SORCS3: variants seen among roughly 807,000 people sequenced by gnomAD.
SORCS3 encodes the protein VPS10 domain-containing receptor SorCS3.
A neutral mutation model predicts 146.3 loss-of-function variants in SORCS3; 57 were observed. The observed-to-expected ratio is 0.39, with a 90% CI of 0.31 to 0.49. The LOEUF (loss-of-function observed/expected upper bound fraction) is 0.49. Ranked by LOEUF, SORCS3 falls within the 20% of genes least tolerant of loss-of-function variation. The pLI, the probability that SORCS3 is intolerant of heterozygous loss-of-function variation, is 0.92. For missense variants in SORCS3, 1,341 were observed against 1,575.5 expected, an observed-to-expected ratio of 0.85 and a Z score of 2.52; for synonymous variants, 653 against 618.5, an observed-to-expected ratio of 1.06 and a Z score of -0.83.
At chr10:104,941,297 C>T (rs1376011535) in intron 3 of SORCS3, among the ~76,000 whole-genome samples, 1 of 152,202 alleles carries the variant, frequency 6.6e-6, no homozygotes, top group Non-Finnish European at 1.5e-5. Context: ...CCTCATTTTA[C>T]TCAGCCCCTA....
intron 4 of SORCS3, among the ~76,000 whole-genome samples, chr10:104,985,019 T>G (rs1008058587): frequency 6.6e-6 from 1 of 152,164 alleles, no homozygotes; most frequent in Non-Finnish European, 1.5e-5. Flanking sequence ...GGGGTGGCTG[T>G]GGTGATTTCT....
At chr10:104,811,349 G>C (rs1008172835) in intron 1 of SORCS3, among the ~76,000 whole-genome samples, 1 of 152,224 alleles carries the variant, frequency 6.6e-6, no homozygotes, top group Non-Finnish European at 1.5e-5. Flanking sequence ...ACTTGCCTGA[G>C]GGAGTTGAGG....
intron 7 of SORCS3, among the ~76,000 whole-genome samples, chr10:105,129,423 T>C (rs946485871): frequency 6.7e-6 from 1 of 149,798 alleles, no homozygotes; most frequent in African/African-American, 2.5e-5. Flanking sequence ...GAGGGGGCAA[T>C]GTTTTGATAG....
In SORCS3 at chr10:104,674,394, G is replaced by T. The variant is rs1396956262; in HGVS notation, c.627+32440G>T. ...TCACTTCTGAGATTAGGTTACAAAA[G>T]ACTTTGGCTTTCATTTTGATTTTGT... On this transcript the variant is annotated intron_variant, in intron 1 of 26. Transcript: ENST00000369701. 2.0e-5 allele frequency among the ~76,000 whole-genome samples: 3 copies of T among 152,206 alleles called. No individual in the cohort carries two copies. In the South Asian group the frequency reaches 6.2e-4, roughly 31 times the overall value.
intron 20 of SORCS3, among the ~76,000 whole-genome samples, chr10:105,225,674 A>T (rs747413122): frequency 1.3e-5 from 2 of 152,050 alleles, no homozygotes; most frequent in Non-Finnish European, 1.5e-5. Context: ...ATTGGTAAGA[A>T]GTGACATCTT....
At chr10:104,975,793 A>G (rs551204329) in intron 3 of SORCS3, among the ~76,000 whole-genome samples, 3 of 152,258 alleles carry the variant, frequency 2.0e-5, no homozygotes, top group Non-Finnish European at 4.4e-5. Context: ...CAAACCTGAG[A>G]AAAACCAGCA....
At chr10:104,880,303 T>C (rs1284697491) in intron 2 of SORCS3, among the ~76,000 whole-genome samples, 6 of 152,210 alleles carry the variant, frequency 3.9e-5, no homozygotes, top group Non-Finnish European at 7.3e-5. Flanking sequence ...GAAAAACTAT[T>C]GGACAGCAAA....
At chr10:104,784,072 T>C (rs899984705) in intron 1 of SORCS3, among the ~76,000 whole-genome samples, 2 of 152,206 alleles carry the variant, frequency 1.3e-5, no homozygotes, top group Non-Finnish European at 2.9e-5. Flanking sequence ...CTGTTTATCT[T>C]TGTTTAATTC....
chr10:105,080,012 A>G (rs1049326780), intron 5 of SORCS3, among the ~76,000 whole-genome samples: 10 of 152,158 alleles, frequency 6.6e-5, no homozygotes, highest in East Asian at 1.9e-4. Flanking sequence ...TAGTGCTGCA[A>G]TGAACATTCA....
At chr10:105,076,849 G>T (rs1467283225) in intron 5 of SORCS3, among the ~76,000 whole-genome samples, 1 of 152,168 alleles carries the variant, frequency 6.6e-6, no homozygotes, top group Non-Finnish European at 1.5e-5. Context: ...CAGTTGTCCA[G>T]CTGTCTTTAG....
At chr10:104,987,445 C>A (rs1280684731) in intron 4 of SORCS3, among the ~76,000 whole-genome samples, 13 of 152,186 alleles carry the variant, frequency 8.5e-5, no homozygotes, top group African/African-American at 2.9e-4. Flanking sequence ...TAAGGCAGTG[C>A]TCTTAAAAAA....
chr10:104,848,813 A>G (rs1165922600), intron 2 of SORCS3, among the ~76,000 whole-genome samples: 2 of 152,186 alleles, frequency 1.3e-5, no homozygotes, highest in South Asian at 2.1e-4. Flanking sequence ...GATACAAAGT[A>G]TGTTATGCTT....
intron 2 of SORCS3, among the ~76,000 whole-genome samples, chr10:104,910,602 T>G (rs2018956561): frequency 6.6e-6 from 1 of 152,162 alleles, no homozygotes; most frequent in Admixed American, 6.5e-5. Flanking sequence ...GTGAGAACAC[T>G]TATGTACATG....
Position 105,157,138 on chromosome 10 carries a change from G to A in SORCS3, c.1483G>A (p.Val495Ile), listed in dbSNP as rs773916242. The A allele has an allele frequency of 1.2e-6, 2 of 1,613,620 alleles. No individual in the cohort carries two copies. The highest frequency in any genetic ancestry group is 1.7e-6 in the Non-Finnish European group (2 of 1,179,748). Residue 495 changes from valine to isoleucine, a missense_variant and splice_region_variant, in exon 10 of 27, where the codon GTA (valine) becomes ATA (isoleucine). Transcript: ENST00000369701. ...MGNIIIELYEVAGIKGIFLAN... is the reference protein window; with the variant it reads ...MGNIIIELYEIAGIKGIFLAN... The stretch of plus-strand genomic sequence containing the variant: ...CTCCATCTCTCACCTTTTTTCCTAG[G>A]TAGCAGGTATCAAAGGGATATTTCT...
chr10:104,874,884 C>T (rs919710641), intron 2 of SORCS3, among the ~76,000 whole-genome samples: 6 of 152,234 alleles, frequency 3.9e-5, no homozygotes, highest in Middle Eastern at 3.4e-3. Flanking sequence ...CTTCTGCAGC[C>T]GCCTACCAGC....
chr10:104,684,004 G>T lies in SORCS3; in HGVS notation c.627+42050G>T, dbSNP rs1435062566. Among the ~76,000 whole-genome samples, 5 of 152,174 alleles carry T rather than the reference G, an allele frequency of 3.3e-5. No homozygotes were observed. The South Asian group carries it at 8.3e-4, about 25-fold the overall frequency. On this transcript the variant is annotated intron_variant, in intron 1 of 26. Transcript: ENST00000369701. ...AAGCTCTATAGTAACAGAGAATGTT[G>T]TCTACATTTACATGCTATCACCTCC...
intron 2 of SORCS3, among the ~76,000 whole-genome samples, chr10:104,883,408 G>A (rs902192677): frequency 6.6e-6 from 1 of 152,200 alleles, no homozygotes; most frequent in Non-Finnish European, 1.5e-5. Flanking sequence ...CATTAGATGA[G>A]AAGATTAAGT....
At chr10:104,760,231 C>T (rs1462885507) in intron 1 of SORCS3, among the ~76,000 whole-genome samples, 2 of 152,054 alleles carry the variant, frequency 1.3e-5, no homozygotes, top group East Asian at 3.9e-4. Flanking sequence ...TGTCTCAGGG[C>T]CAGACTGTGA....
chr10:104,877,322 C>T (rs891949866), intron 2 of SORCS3, among the ~76,000 whole-genome samples: 1 of 152,090 alleles, frequency 6.6e-6, no homozygotes, highest in Non-Finnish European at 1.5e-5. Flanking sequence ...CTCCATCTTT[C>T]ATTGCCCAGC....
Sources: gnomAD v4.1 joint callset for allele counts (sites outside exome capture counted in the v4.1 genomes callset) on GRCh38, gnomAD v4.1.1 for gene constraint, MANE v1.5 for transcripts, NCBI Gene and HGNC (gene_info 2026-07-23, HGNC 2026-07-21) for gene names.